Variants in PRKN observed in about 807,000 individuals in gnomAD.
PRKN encodes parkin RBR E3 ubiquitin protein ligase, also known as E3 ubiquitin-protein ligase parkin.
Under a neutral mutation model 59.5 loss-of-function variants are expected in PRKN, and 56 were observed. That is an observed-to-expected ratio of 0.94 (90% CI 0.76 to 1.18). The LOEUF (loss-of-function observed/expected upper bound fraction) is 1.18, where lower values mean the gene tolerates loss of function less well. PRKN is among the 50% of genes most tolerant of loss of function. The pLI is 0.00. For missense variants in PRKN, 657 were observed against 596.4 expected (o/e 1.10, Z -1.06); for synonymous variants, 250 against 222.1 (o/e 1.13, Z -1.12).
At chr6:162,678,803 C>T (rs1779655366) in intron 1 of PRKN, among the ~76,000 whole-genome samples, 1 of 152,134 alleles carries the variant, frequency 6.6e-6, no homozygotes, top group Non-Finnish European at 1.5e-5. Context: ...GAGATGGAGT[C>T]TCTCTCCGTC....
chr6:162,154,975 A>C (rs975335066), intron 4 of PRKN, among the ~76,000 whole-genome samples: 1 of 151,786 alleles, frequency 6.6e-6, no homozygotes, highest in Non-Finnish European at 1.5e-5. Flanking sequence ...GATGCAAAAA[A>C]AAAAACAAAA....
intron 1 of PRKN, among the ~76,000 whole-genome samples, chr6:162,542,091 AG>A (rs1778950030): frequency 1.3e-5 from 2 of 152,166 alleles, no homozygotes; most frequent in Non-Finnish European, 1.5e-5. Flanking sequence ...AGGTTGCGGA[AG>A]GTAAGAGAAT....
chr6:162,325,113 G>A (rs564705099), intron 2 of PRKN, among the ~76,000 whole-genome samples: 1 of 117,302 alleles, frequency 8.5e-6, no homozygotes, highest in African/African-American at 3.0e-5. Context: ...GATTTCAGAA[G>A]GAAATGTTTT....
rs920209378 is a variant in PRKN, at chr6:161,584,679, G to A, written c.872-15263C>T. Among the ~76,000 whole-genome samples, 2 of 152,178 alleles carry A rather than the reference G, an allele frequency of 1.3e-5. No individual in the cohort carries two copies. The highest frequency in any genetic ancestry group is 4.8e-5 in the African/African-American group (2 of 41,442). ...ATAGATTTGAGATAAGCTGAAGCTG[G>A]ATACAAAACTCCATTATACAACAGG... On this transcript the variant is annotated intron_variant, in intron 7 of 11. Transcript: ENST00000366898. This position sits in a 1 kb window ranked among gnomAD's most constrained non-coding sequence, Gnocchi z 4.8.
At chr6:162,442,508 A>C (rs1330610226) in intron 2 of PRKN, among the ~76,000 whole-genome samples, 1 of 152,170 alleles carries the variant, frequency 6.6e-6, no homozygotes, top group Non-Finnish European at 1.5e-5. Flanking sequence ...CTCTAGTTCT[A>C]GGTGATGGTG....
intron 1 of PRKN, among the ~76,000 whole-genome samples, chr6:162,510,987 T>G (rs1777588337): frequency 6.6e-6 from 1 of 151,958 alleles, no homozygotes; most frequent in Middle Eastern, 3.4e-3. Flanking sequence ...CACTGAACAA[T>G]AAAATTTTCC....
intron 3 of PRKN, among the ~76,000 whole-genome samples, chr6:162,241,401 T>A (rs982621797): frequency 1.3e-5 from 2 of 152,130 alleles, no homozygotes; most frequent in African/African-American, 4.8e-5. Context: ...CATAATAAAT[T>A]GCTAGATAAA....
chr6:162,349,893 G>C (rs139644759), intron 2 of PRKN, among the ~76,000 whole-genome samples: 39 of 152,242 alleles, frequency 2.6e-4, no homozygotes, highest in African/African-American at 7.7e-4. Context: ...AAAAGACATC[G>C]AGGCTGGGAA....
At chr6:162,425,860 G>T (rs1026238488) in intron 2 of PRKN, among the ~76,000 whole-genome samples, 11 of 152,210 alleles carry the variant, frequency 7.2e-5, no homozygotes, top group Non-Finnish European at 1.3e-4. Flanking sequence ...GAACCGATAC[G>T]AATGTTCTCA....
intron 3 of PRKN, among the ~76,000 whole-genome samples, chr6:162,261,416 T>C (rs1779880294): frequency 6.6e-6 from 1 of 152,212 alleles, no homozygotes; most frequent in East Asian, 1.9e-4. Context: ...GTTTGGTTTA[T>C]AATGTTGGAG....
intron 3 of PRKN, among the ~76,000 whole-genome samples, chr6:162,216,561 A>AC (rs931122631): frequency 1.3e-5 from 2 of 150,910 alleles, no homozygotes; most frequent in East Asian, 2.0e-4. Context: ...AAAAAAAAAA[A>AC]AAACCCAGTT....
intron 9 of PRKN, among the ~76,000 whole-genome samples, chr6:161,420,601 C>G (rs1788058883): frequency 6.6e-6 from 1 of 152,034 alleles, no homozygotes; most frequent in Non-Finnish European, 1.5e-5. Context: ...GCAGCCTCCA[C>G]TTTCTGGGCT....
rs1019033752 is a variant in PRKN at position 161,467,282 on chromosome 6, ATATTAT to A, written c.1084-80411_1084-80406del. Among the ~76,000 whole-genome samples the A allele has an allele frequency of 9.2e-5, 14 of 152,188 alleles. No individual in the cohort carries two copies. Among genetic ancestry groups the A allele is most frequent in the South Asian group, 6.2e-4 (3 of 4,834 alleles). On this transcript the variant is annotated intron_variant, in intron 9 of 11. Transcript: ENST00000366898. The surrounding 1 kb of genome is among the most constrained non-coding windows in gnomAD (Gnocchi z 4.3). ...CATTCATTCACCCATTCATCAGTAA[ATATTAT>A]TGAGAGTGGACTGTGTGCCTGGCAC...
At chr6:162,355,514 G>A (rs998184060) in intron 2 of PRKN, among the ~76,000 whole-genome samples, 8 of 151,724 alleles carry the variant, frequency 5.3e-5, no homozygotes, top group African/African-American at 1.7e-4. Flanking sequence ...AATACATACT[G>A]TCTCTCTAAA....
At chr6:161,633,049 G>GC (rs1783375778) in intron 7 of PRKN, among the ~76,000 whole-genome samples, 2 of 152,024 alleles carry the variant, frequency 1.3e-5, no homozygotes, top group Admixed American at 6.6e-5. Context: ...TCTATTCCAG[G>GC]CTTTGCTGTA....
At chr6:162,216,536 CAAAAAA>C (rs35025497) in intron 3 of PRKN, among the ~76,000 whole-genome samples, 1 of 34,974 alleles carries the variant, frequency 2.9e-5, no homozygotes, top group African/African-American at 7.7e-5. Context: ...GACTCCGTCT[CAAAAAA>C]AAAAAAAAAA....
chr6:162,481,536 C>T (rs933718065), intron 1 of PRKN, among the ~76,000 whole-genome samples: 8 of 152,208 alleles, frequency 5.3e-5, no homozygotes, highest in African/African-American at 1.7e-4. Flanking sequence ...AAGAGTTGAG[C>T]ATTTTGTATT....
intron 4 of PRKN, among the ~76,000 whole-genome samples, chr6:162,087,966 A>C (rs998799816): frequency 1.3e-5 from 2 of 152,158 alleles, no homozygotes; most frequent in East Asian, 1.9e-4. Flanking sequence ...ACGCAGGAGC[A>C]CTAACGCTCC....
At chr6:161,688,929 C>G (rs1306390622) in intron 7 of PRKN, among the ~76,000 whole-genome samples, 2 of 152,098 alleles carry the variant, frequency 1.3e-5, no homozygotes, top group African/African-American at 2.4e-5. Flanking sequence ...GAAATGATTG[C>G]CAATTCATTC....
Sources: allele counts gnomAD v4.1 joint callset (sites outside exome capture counted in the v4.1 genomes callset), GRCh38; gene constraint gnomAD v4.1.1; non-coding constraint Gnocchi (gnomAD v3.1); transcripts MANE v1.5; gene names NCBI Gene and HGNC (gene_info 2026-07-23, HGNC 2026-07-21).